The following PCDH11X variants were observed in gnomAD, a reference collection of about 807,000 sequenced individuals.
PCDH11X encodes the protein protocadherin 11 X-linked, also known as protocadherin-11 X-linked.
Under a neutral mutation model 53.3 loss-of-function variants are expected in PCDH11X, and 18 were observed. That is an observed-to-expected ratio of 0.34 (90% CI 0.23 to 0.50). The LOEUF is 0.50. Ranked by LOEUF, PCDH11X falls within the 20% of genes least tolerant of loss-of-function variation. The pLI, the probability that PCDH11X is intolerant of heterozygous loss-of-function variation, is 0.98. For synonymous variants in PCDH11X, 279 were observed against 393.3 expected, an observed-to-expected ratio of 0.71 and a Z score of 3.44; for missense variants, 570 against 1,032.4, an observed-to-expected ratio of 0.55 and a Z score of 6.14.
At chrX:92,561,563 A>G (rs1455222995) in intron 10 of PCDH11X, among the ~76,000 whole-genome samples, 1 of 98,169 alleles carries the variant, frequency 1.0e-5, no homozygotes, top group African/African-American at 3.7e-5. Context: ...CAGAAGAAAG[A>G]AATAGTGAGC....
Position 92,223,920 on chromosome X carries a change from G to A in PCDH11X, c.3114+22465G>A, listed in dbSNP as rs146402873. ...GCTTGCAAGACTTATAAATGCTACG[G>A]TTACACAAATGCTAAAGTTATAAAG... On this transcript the variant is annotated intron_variant, in intron 7 of 10. Transcript: ENST00000682573. 1.7e-3 allele frequency among the ~76,000 whole-genome samples: 187 copies of A among 111,084 alleles called. 1 individual carries two copies. The highest frequency in any genetic ancestry group is 5.3e-3 in the African/African-American group (161 of 30,623).
intron 5 of PCDH11X, among the ~76,000 whole-genome samples, chrX:91,873,443 T>G (rs1394895809): frequency 9.0e-6 from 1 of 111,527 alleles, no homozygotes; most frequent in East Asian, 2.8e-4. Flanking sequence ...AAAGACAGAA[T>G]AGCAATGGTG....
At chrX:92,117,710 G>A (rs892588476) in intron 6 of PCDH11X, among the ~76,000 whole-genome samples, 6 of 111,599 alleles carry the variant, frequency 5.4e-5, no homozygotes, top group Non-Finnish European at 9.4e-5. Context: ...CATTTGAAGA[G>A]AGCTATATTC....
intron 8 of PCDH11X, among the ~76,000 whole-genome samples, chrX:92,277,675 T>C (rs1054292864): frequency 9.8e-6 from 1 of 102,080 alleles, no homozygotes; most frequent in African/African-American, 3.7e-5. Context: ...GGTCAGGGCA[T>C]GGAAATAAGG....
intron 6 of PCDH11X, among the ~76,000 whole-genome samples, chrX:91,994,221 T>A (rs1442170204): frequency 2.0e-5 from 2 of 101,650 alleles, no homozygotes; most frequent in Non-Finnish European, 4.0e-5. Flanking sequence ...ACACTTGAGA[T>A]CTGCCCTCTT....
intron 6 of PCDH11X, among the ~76,000 whole-genome samples, chrX:91,900,589 A>C (rs1019693950): frequency 2.7e-5 from 3 of 110,644 alleles, no homozygotes; most frequent in Non-Finnish European, 5.7e-5. Flanking sequence ...GATGGGGAAC[A>C]CTGTGGAACT....
intron 6 of PCDH11X, among the ~76,000 whole-genome samples, chrX:92,007,328 A>C (rs746101656): frequency 9.0e-6 from 1 of 111,682 alleles, no homozygotes; most frequent in East Asian, 2.9e-4. Flanking sequence ...CACAAGACAC[A>C]GTTCTTCCCA....
At chrX:91,882,963 C>G in intron 6 of PCDH11X, 4 of 1,178,487 alleles carry the variant, frequency 3.4e-6, no homozygotes, top group Non-Finnish European at 4.6e-6. Context: ...TTTCTAGGAA[C>G]AACAAAATTC....
chrX:92,402,499 G>C (rs2071408440), intron 9 of PCDH11X, among the ~76,000 whole-genome samples: 1 of 111,235 alleles, frequency 9.0e-6, no homozygotes, highest in Admixed American at 9.6e-5. Context: ...CAATCATCTG[G>C]TCCTTGACAA....
intron 8 of PCDH11X, among the ~76,000 whole-genome samples, chrX:92,346,122 A>C (rs1489791913): frequency 1.8e-5 from 2 of 110,948 alleles, no homozygotes; most frequent in Non-Finnish European, 3.8e-5. Context: ...TGCCAATGCT[A>C]TATTGGCAAT....
chrX:92,209,035 C>A (rs1412738262), intron 7 of PCDH11X, among the ~76,000 whole-genome samples: 1 of 111,042 alleles, frequency 9.0e-6, no homozygotes, highest in Non-Finnish European at 1.9e-5. Flanking sequence ...GAAGTCTGTT[C>A]CCATGATTCA....
chrX:92,538,165 T>C (rs912883024), intron 10 of PCDH11X, among the ~76,000 whole-genome samples: 5 of 109,078 alleles, frequency 4.6e-5, no homozygotes, highest in Non-Finnish European at 9.5e-5. Flanking sequence ...ATCTATGTTG[T>C]TGAATATAAG....
chrX:92,077,203 A>C (rs2063785955), intron 6 of PCDH11X, among the ~76,000 whole-genome samples: 1 of 110,495 alleles, frequency 9.1e-6, no homozygotes, highest in African/African-American at 3.3e-5. Context: ...CCAGCCCCAC[A>C]ATCACAGTAA....
At chrX:91,824,339 C>A (rs1227289144) in intron 4 of PCDH11X, among the ~76,000 whole-genome samples, 2 of 110,467 alleles carry the variant, frequency 1.8e-5, no homozygotes. Context: ...GGTCTTTTCA[C>A]ATAGTCCCAT....
intron 5 of PCDH11X, among the ~76,000 whole-genome samples, chrX:91,871,008 C>G (rs1939268578): frequency 9.1e-6 from 1 of 110,426 alleles, no homozygotes; most frequent in Non-Finnish European, 1.9e-5. Flanking sequence ...CTTGACAAGG[C>G]TACAAATGAA....
At chrX:92,088,286 A>C (rs2063992575) in intron 6 of PCDH11X, among the ~76,000 whole-genome samples, 1 of 111,346 alleles carries the variant, frequency 9.0e-6, no homozygotes, top group African/African-American at 3.3e-5. Context: ...GTAGCAGTTT[A>C]TTCTCATTTT....
At chrX:92,336,852 G>A (rs767209604) in intron 8 of PCDH11X, among the ~76,000 whole-genome samples, 1 of 110,692 alleles carries the variant, frequency 9.0e-6, no homozygotes, top group South Asian at 3.9e-4. Context: ...AGTGTCTGAG[G>A]ACTCAAACTC....
chrX:91,929,786 T>G (rs191199975), intron 6 of PCDH11X, among the ~76,000 whole-genome samples: 44 of 111,485 alleles, frequency 3.9e-4, no homozygotes, highest in African/African-American at 1.4e-3. Flanking sequence ...CAGTAAAGAT[T>G]TAGTCAACTC....
rs779639059 is a variant in PCDH11X at position 91,860,437 on chromosome X, A to G, written c.541-16344A>G. On this transcript the variant is annotated intron_variant, in intron 5 of 10. Transcript: ENST00000682573. The stretch of plus-strand genomic sequence containing the variant: ...AGACAATTTGACTTCCTCTATTTCT[A>G]TTTGAGTATATTTTATTTCTTTCTC... Among the ~76,000 whole-genome samples, 23 of 107,583 alleles carry G rather than the reference A, an allele frequency of 2.1e-4. No homozygotes were observed. In the South Asian group the frequency reaches 9.8e-3, roughly 46 times the overall value. 93.4% of individuals were successfully genotyped at this position (107,583 alleles called of 115,157 possible). A position where few individuals can be genotyped will look rare whatever the true frequency, so the allele number is the denominator to read the frequency against.
Sources: allele counts gnomAD v4.1 joint callset (sites outside exome capture counted in the v4.1 genomes callset), GRCh38; gene constraint gnomAD v4.1.1; transcripts MANE v1.5; gene names NCBI Gene and HGNC (gene_info 2026-07-23, HGNC 2026-07-21).